Variants in HS6ST2 observed in about 807,000 individuals in gnomAD.
HS6ST2 encodes the protein heparan sulfate 6-O-sulfotransferase 2, also known as heparan-sulfate 6-O-sulfotransferase 2.
Under a neutral mutation model 33.0 loss-of-function variants are expected in HS6ST2, and 17 were observed. The observed-to-expected ratio is 0.52, with a 90% confidence interval of 0.35 to 0.77. The LOEUF is 0.77. Ranked by LOEUF, HS6ST2 falls within the 30% of genes least tolerant of loss-of-function variation. HS6ST2 has a pLI of 0.01. For synonymous variants in HS6ST2, 248 were observed against 237.1 expected, an observed-to-expected ratio of 1.05 and a Z score of -0.42; for missense variants, 519 against 551.7, an observed-to-expected ratio of 0.94 and a Z score of 0.59.
intron 1 of HS6ST2, 77 bp from the exon 2 acceptor site, chrX:132,957,403 C>CCCTGGAGCCGCTGCTG (rs2067093547): frequency 1.9e-6 from 2 of 1,035,737 alleles, no homozygotes; most frequent in East Asian, 6.5e-5. Context: ...CGCCCCCTTC[C>CCCTGGAGCCGCTGCTG]CCTGGAGCCG....
intron 2 of HS6ST2, among the ~76,000 whole-genome samples, chrX:132,920,023 C>T (rs780213622): frequency 9.0e-6 from 1 of 111,681 alleles, no homozygotes; most frequent in Non-Finnish European, 1.9e-5. Context: ...ACAAATTCTA[C>T]CAAATGTCAA....
intron 4 of HS6ST2, among the ~76,000 whole-genome samples, chrX:132,631,122 A>G (rs760652412): frequency 2.4e-4 from 27 of 111,995 alleles, no homozygotes; most frequent in Non-Finnish European, 4.1e-4. Context: ...GCAGAATCTC[A>G]GTAACTTCTT....
intron 4 of HS6ST2, among the ~76,000 whole-genome samples, chrX:132,661,131 A>G (rs1197647463): frequency 9.0e-6 from 1 of 111,618 alleles, no homozygotes; most frequent in Admixed American, 9.5e-5. Flanking sequence ...ATAATTCAAG[A>G]TGAGATTTGG....
chrX:132,706,521 A>G (rs1198020794), intron 3 of HS6ST2, among the ~76,000 whole-genome samples: 1 of 111,875 alleles, frequency 8.9e-6, no homozygotes, highest in Non-Finnish European at 1.9e-5. Flanking sequence ...CTGGCTATTA[A>G]TGTTTTTGCT....
chrX:132,874,868 C>G (rs914727575), intron 2 of HS6ST2, among the ~76,000 whole-genome samples: 2 of 111,637 alleles, frequency 1.8e-5, no homozygotes, highest in African/African-American at 6.5e-5. Context: ...AGTGGTTGTT[C>G]TGCCATGTGG....
At chrX:132,829,617 C>T (rs1203087375) in intron 2 of HS6ST2, among the ~76,000 whole-genome samples, 3 of 111,483 alleles carry the variant, frequency 2.7e-5, no homozygotes, top group African/African-American at 9.8e-5. Context: ...TCAACTGGCA[C>T]AGCCCTTCAG....
chrX:132,814,316 T>C (rs1014580129), intron 2 of HS6ST2, among the ~76,000 whole-genome samples: 2 of 111,618 alleles, frequency 1.8e-5, no homozygotes, highest in Non-Finnish European at 3.8e-5. Flanking sequence ...TGGTGTGGTA[T>C]ATGGAGAGGG....
chrX:132,642,316 G>C (rs2063607141), intron 4 of HS6ST2, among the ~76,000 whole-genome samples: 1 of 111,434 alleles, frequency 9.0e-6, no homozygotes, highest in African/African-American at 3.3e-5. Context: ...CTATTTTCCA[G>C]AGCAGCACAG....
At chrX:132,638,980 G>T (rs2063581457) in intron 4 of HS6ST2, among the ~76,000 whole-genome samples, 1 of 112,373 alleles carries the variant, frequency 8.9e-6, no homozygotes, top group African/African-American at 3.2e-5. Flanking sequence ...ACCCATCTGT[G>T]TGTATTGTGG....
At chrX:132,670,766 T>A (rs1443527834) in intron 3 of HS6ST2, among the ~76,000 whole-genome samples, 1 of 112,462 alleles carries the variant, frequency 8.9e-6, no homozygotes, top group East Asian at 2.8e-4. Context: ...TGAGCCAAAA[T>A]TGTGCGATTG....
At chrX:132,639,722 C>T (rs2063588037) in intron 4 of HS6ST2, among the ~76,000 whole-genome samples, 1 of 111,882 alleles carries the variant, frequency 8.9e-6, no homozygotes, top group Non-Finnish European at 1.9e-5. Context: ...TGGTTCTCTT[C>T]CTTCTCCCAA....
intron 2 of HS6ST2, among the ~76,000 whole-genome samples, chrX:132,743,654 T>C (rs1251236424): frequency 8.9e-6 from 1 of 111,808 alleles, no homozygotes; most frequent in African/African-American, 3.3e-5. Context: ...GATTTTATAC[T>C]GACTTGCCCT....
At position 132,885,846 on chromosome X, in the gene HS6ST2, G is replaced by A. The variant is rs145117003; in HGVS notation, c.947+70962C>T. On this transcript the variant is annotated intron_variant, in intron 2 of 4. Transcript: ENST00000370833. ...TTTAAAAACTGAGCACAGACATCGG[G>A]GGCTACACACGATGTGGGAGACATA... is the stretch of plus-strand genomic sequence containing the variant. Among the ~76,000 whole-genome samples, 408 of 111,370 alleles carry A rather than the reference G, an allele frequency of 3.7e-3. 5 individuals carry two copies. Among genetic ancestry groups the A allele is most frequent in the Non-Finnish European group, 6.7e-3 (358 of 53,058 alleles).
chrX:132,706,321 A>G (rs2064188782), intron 3 of HS6ST2, among the ~76,000 whole-genome samples: 1 of 112,289 alleles, frequency 8.9e-6, no homozygotes, highest in South Asian at 3.7e-4. Flanking sequence ...CATTAACTTT[A>G]TAGAGGTCTA....
At chrX:132,709,812 A>AACACACACAC (rs60459374) in intron 2 of HS6ST2, among the ~76,000 whole-genome samples, 13,434 of 92,033 alleles carry the variant, frequency 0.15, 950 homozygotes, top group East Asian at 0.42. Context: ...GAAAAGACAA[A>AACACACACAC]ACACACACAC....
rs1981145678 is a variant in HS6ST2, at chrX:132,881,661, G to A, written c.947+75147C>T. 3.6e-5 allele frequency among the ~76,000 whole-genome samples: 4 copies of A among 111,770 alleles called. No individual in the cohort carries two copies. In the Admixed American group the frequency reaches 3.8e-4, roughly 11 times the overall value. Reference sequence around the variant, plus strand: ...CCATTTGTCAATTTTGGCTTTTGTTGTCATTGCTTTTGGTGTTTTAGTCAT... The same window carrying A: ...CCATTTGTCAATTTTGGCTTTTGTTATCATTGCTTTTGGTGTTTTAGTCAT... On this transcript the variant is annotated intron_variant, in intron 2 of 4. Transcript: ENST00000370833.
intron 4 of HS6ST2, among the ~76,000 whole-genome samples, chrX:132,648,865 C>A (rs978812361): frequency 2.7e-5 from 3 of 111,790 alleles, no homozygotes; most frequent in African/African-American, 9.8e-5. Context: ...CTATTCTAGT[C>A]CTGGAGCCCT....
intron 2 of HS6ST2, among the ~76,000 whole-genome samples, chrX:132,933,283 G>A (rs997468465): frequency 2.0e-4 from 22 of 110,737 alleles, no homozygotes; most frequent in East Asian, 5.7e-4. Context: ...AGCCGAGATC[G>A]CACCAGTGCA....
chrX:132,938,617 G>A (rs1279481026), intron 2 of HS6ST2, among the ~76,000 whole-genome samples: 1 of 110,757 alleles, frequency 9.0e-6, no homozygotes, highest in Non-Finnish European at 1.9e-5. Context: ...ATCCCAACCT[G>A]AATGACAGTG....
Sources: gnomAD v4.1 joint callset for allele counts (sites outside exome capture counted in the v4.1 genomes callset) on GRCh38, gnomAD v4.1.1 for gene constraint, MANE v1.5 for transcripts, NCBI Gene and HGNC (gene_info 2026-07-23, HGNC 2026-07-21) for gene names.